Variants in CTNNA1 observed in about 807,000 individuals in gnomAD.
CTNNA1 encodes catenin alpha 1, also known as catenin alpha-1.
In CTNNA1, 37 loss-of-function variants were observed where a neutral mutation model predicts 98.4. That is an observed-to-expected ratio of 0.38 (90% CI 0.29 to 0.49). The LOEUF (loss-of-function observed/expected upper bound fraction) is 0.49, where lower values mean the gene tolerates loss of function less well. Ranked by LOEUF, CTNNA1 falls within the 20% of genes least tolerant of loss-of-function variation. The pLI is 0.95. For missense variants in CTNNA1, 761 were observed against 1,147.2 expected (o/e 0.66, Z 4.86); for synonymous variants, 404 against 413.2 (o/e 0.98, Z 0.27).
chr5:138,877,914 A>C (rs1752022991), intron 7 of CTNNA1, among the ~76,000 whole-genome samples: 1 of 152,096 alleles, frequency 6.6e-6, no homozygotes, highest in African/African-American at 2.4e-5. Context: ...AGTCAGTTGG[A>C]TTAGAGCCAC....
chr5:138,839,662 C>T (rs1274069690), intron 7 of CTNNA1, among the ~76,000 whole-genome samples: 4 of 152,074 alleles, frequency 2.6e-5, no homozygotes, highest in South Asian at 2.1e-4. Context: ...ATTGTAGATT[C>T]GACCATTCTT....
chr5:138,900,136 TACG>T (rs1757722359), intron 9 of CTNNA1, among the ~76,000 whole-genome samples: 1 of 152,258 alleles, frequency 6.6e-6, no homozygotes. Context: ...TTACTTTATG[TACG>T]ACAAGTTTGT....
chr5:138,802,362 G>T (rs1029742458), intron 3 of CTNNA1, among the ~76,000 whole-genome samples: 6 of 152,012 alleles, frequency 3.9e-5, no homozygotes, highest in African/African-American at 1.5e-4. Flanking sequence ...GTAGAGATGG[G>T]GTCTCACTTT....
chr5:138,890,890 C>T (rs1755199007), intron 9 of CTNNA1, among the ~76,000 whole-genome samples: 1 of 152,158 alleles, frequency 6.6e-6, no homozygotes, highest in Admixed American at 6.5e-5. Context: ...CACAGGAATC[C>T]AGGACAAAGA....
At chr5:138,851,937 G>A (rs923226289) in intron 7 of CTNNA1, among the ~76,000 whole-genome samples, 4 of 151,688 alleles carry the variant, frequency 2.6e-5, no homozygotes, top group Admixed American at 2.6e-4. Context: ...AGGCATGATG[G>A]CGCGTGCCTG....
intron 7 of CTNNA1, chr5:138,869,060 A>T (rs1429647920): frequency 7.0e-6 from 1 of 141,864 alleles, no homozygotes; most frequent in Non-Finnish European, 1.5e-5. Flanking sequence ...CCTCCCACCC[A>T]AAAAGAAAAA....
In CTNNA1 at chr5:138,924,282, G is replaced by GTTT. The variant is rs750282557; in HGVS notation, c.1547-217_1547-215dup. 1.0e-3 allele frequency among the ~76,000 whole-genome samples: 141 copies of GTTT among 141,390 alleles called. 1 individual carries two copies. The highest frequency in any genetic ancestry group is 7.5e-3 in the Middle Eastern group (2 of 266). The allele number at this position is 141,390 out of a possible 152,430, so 92.8% of individuals were successfully genotyped here. On this transcript the variant is annotated intron_variant, in intron 11 of 17. Coordinates refer to ENST00000302763, the MANE Select transcript of CTNNA1 (RefSeq NM_001903.5). ...TTTTTGTGTGTGTTTTTTATTTTTT[G>GTTT]TTTTTTTTTTTTTAAAAACCTGGAA...
chr5:138,885,718 T>G (rs752455329), intron 7 of CTNNA1, among the ~76,000 whole-genome samples: 58 of 152,192 alleles, frequency 3.8e-4, no homozygotes, highest in Admixed American at 7.2e-4. Context: ...TAAACATTAT[T>G]AGCTCTGACC....
At chr5:138,823,420 T>C (rs1418181320) in intron 5 of CTNNA1, among the ~76,000 whole-genome samples, 1 of 152,212 alleles carries the variant, frequency 6.6e-6, no homozygotes, top group Non-Finnish European at 1.5e-5. Flanking sequence ...CAGAGTCTTA[T>C]AATCATAGAT....
At chr5:138,927,960 C>T (rs533836297) in intron 13 of CTNNA1, among the ~76,000 whole-genome samples, 6 of 152,130 alleles carry the variant, frequency 3.9e-5, no homozygotes, top group South Asian at 2.1e-4. Flanking sequence ...GACCTCACAC[C>T]GACATGCTGT....
chr5:138,837,402 A>G, intron 7 of CTNNA1, among the ~76,000 whole-genome samples: 1 of 151,628 alleles, frequency 6.6e-6, no homozygotes, highest in Non-Finnish European at 1.5e-5. Flanking sequence ...ATACTCATTT[A>G]GTTGTTTCTT....
intron 7 of CTNNA1, among the ~76,000 whole-genome samples, chr5:138,850,951 A>C (rs1324623328): frequency 6.6e-6 from 1 of 152,238 alleles, no homozygotes; most frequent in Non-Finnish European, 1.5e-5. Context: ...ACGTTCTGTT[A>C]GGGGAATATT....
chr5:138,869,208 G>A (rs1206295845), intron 7 of CTNNA1: 1 of 149,088 alleles, frequency 6.7e-6, no homozygotes, highest in Non-Finnish European at 1.5e-5. Flanking sequence ...GGACAAAAAT[G>A]TTAGTTGAAA....
intron 7 of CTNNA1, among the ~76,000 whole-genome samples, chr5:138,837,832 A>G (rs1378254793): frequency 6.6e-6 from 1 of 151,220 alleles, no homozygotes; most frequent in Non-Finnish European, 1.5e-5. Context: ...CATTTTGCCA[A>G]GGGTGGTCTC....
chr5:138,768,558 G>GTTTTT (rs36038829), intron 1 of CTNNA1, among the ~76,000 whole-genome samples: 26 of 67,584 alleles, frequency 3.8e-4, no homozygotes, highest in Non-Finnish European at 4.6e-4. Flanking sequence ...AACGGTGTCT[G>GTTTTT]TTTTTTTTTT....
intron 3 of CTNNA1, among the ~76,000 whole-genome samples, chr5:138,797,594 T>G (rs1327551103): frequency 6.6e-6 from 1 of 152,184 alleles, no homozygotes; most frequent in Non-Finnish European, 1.5e-5. Context: ...AAGAAGCTAT[T>G]TAAAAGTATC....
chr5:138,829,106 A>C (rs945358575), intron 7 of CTNNA1, among the ~76,000 whole-genome samples: 2 of 152,142 alleles, frequency 1.3e-5, no homozygotes, highest in African/African-American at 4.8e-5. Context: ...TGGGCGACAG[A>C]GCGAGAGTGT....
intron 2 of CTNNA1, 123 bp downstream of exon 2, chr5:138,782,152 G>A: frequency 1.1e-6 from 1 of 907,732 alleles, no homozygotes; most frequent in South Asian, 1.5e-5. Context: ...TTAGGTGACA[G>A]TTCTTAGATG....
intron 10 of CTNNA1, among the ~76,000 whole-genome samples, chr5:138,912,865 T>C (rs1760947386): frequency 6.6e-6 from 1 of 152,240 alleles, no homozygotes; most frequent in Non-Finnish European, 1.5e-5. Context: ...TACTGCTGTT[T>C]TGGTGTTTTC....
Sources: gnomAD v4.1 joint callset for allele counts (sites outside exome capture counted in the v4.1 genomes callset) on GRCh38, gnomAD v4.1.1 for gene constraint, MANE v1.5 for transcripts, NCBI Gene and HGNC (gene_info 2026-07-23, HGNC 2026-07-21) for gene names.